Variants in BOP1 observed in about 807,000 individuals in gnomAD.
BOP1 encodes ribosome biogenesis protein BOP1.
In BOP1, 54 loss-of-function variants were observed where a neutral mutation model predicts 82.9. The observed-to-expected ratio is 0.65, with a 90% CI of 0.52 to 0.82. The LOEUF is 0.82. Ranked by LOEUF, BOP1 falls within the 40% of genes least tolerant of loss-of-function variation. The probability of loss-of-function intolerance (pLI) is 0.00; values close to 1 mark genes in which losing one functional copy is unlikely to be tolerated. For synonymous variants in BOP1, 566 were observed against 451.1 expected (o/e 1.25, Z -3.23); for missense variants, 1,170 against 1,072.0 (o/e 1.09, Z -1.28).
intron 2 of BOP1, 30 bp from the exon 3 acceptor site, chr8:144,276,334 C>T: frequency 1.2e-6 from 2 of 1,607,222 alleles, no homozygotes; most frequent in Non-Finnish European, 1.7e-6. Context: ...ATGGTCACTT[C>T]AGGGGATACA....
chr8:144,276,273 G>T lies in BOP1; in HGVS notation c.341C>A (p.Ala114Glu). ...ATACTCATCCCCAATCCGGGCGCTC[G>T]CCATCTCTGTCCTCGGGCAAGGAGT... is the stretch of plus-strand genomic sequence containing the variant. ...ASTPCPRTEM[A>E]SARIGDEYAE... The change falls in exon 3 of 16, where the codon GCG becomes GAG. Residue 114 changes from alanine (A) to glutamate (E), a missense_variant. Coordinates refer to ENST00000569669, the MANE Select transcript of BOP1 (RefSeq NM_015201.5). The T allele has an allele frequency of 6.2e-7, 1 of 1,613,526 alleles. No homozygotes were observed.
chr8:144,262,973 G>A lies in BOP1; in HGVS notation c.1774C>T (p.Pro592Ser), dbSNP rs2130191682. ...CGCTGGGACGCCACCAACAGGAAGG[G>A]CCGGGCAGGGTGGAAGGCCACTCGC... Reference protein sequence around the residue: ...VQRVAFHPARPFLLVASQRSV... With the variant: ...VQRVAFHPARSFLLVASQRSV... The change falls in exon 13 of 16, where the codon CCC becomes TCC. Residue 592 changes from proline to serine, a missense_variant. Transcript: ENST00000569669. 1.3e-6 allele frequency: 2 copies of A among 1,550,282 alleles called. No individual in the cohort carries two copies. The highest frequency in any genetic ancestry group is 1.4e-5 in the African/African-American group (1 of 73,968).
chr8:144,267,332 C>T, intron 3 of BOP1: 2 of 968,572 alleles, frequency 2.1e-6, no homozygotes, highest in South Asian at 3.0e-5. Flanking sequence ...GGGCTGGGGC[C>T]TTCTCCTGGG....
intron 3 of BOP1, among the ~76,000 whole-genome samples, chr8:144,273,994 C>T (rs1845533553): frequency 1.3e-5 from 2 of 151,776 alleles, no homozygotes; most frequent in Admixed American, 6.5e-5. Flanking sequence ...CCCTGAAGCC[C>T]CAGTGTCATC....
chr8:144,266,642 C>A (rs1387551437), intron 3 of BOP1: 5 of 1,243,534 alleles, frequency 4.0e-6, no homozygotes, highest in Admixed American at 3.1e-5. Flanking sequence ...CGCCCGGCGC[C>A]GCCGGGCCGC....
Position 144,276,291 on chromosome 8 carries a change from C to T in BOP1, c.323G>A (p.Cys108Tyr). 2 of 1,613,464 alleles carry T rather than the reference C, an allele frequency of 1.2e-6. No individual in the cohort carries two copies. Among genetic ancestry groups the T allele is most frequent in the Non-Finnish European group, 1.7e-6 (2 of 1,179,820 alleles). The change falls in exon 3 of 16, where the codon TGC becomes TAC. Residue 108 changes from cysteine (C) to tyrosine (Y), a missense_variant. Transcript: ENST00000569669. ...TEEQVQASTP[C>Y]PRTEMASARI... Reference sequence around the variant, plus strand: ...GGCGCTCGCCATCTCTGTCCTCGGGCAAGGAGTGCTGGCCTGCAGAGAGAG... The same window carrying T: ...GGCGCTCGCCATCTCTGTCCTCGGGTAAGGAGTGCTGGCCTGCAGAGAGAG...
At position 144,266,837 on chromosome 8, in the gene BOP1, G is replaced by C. The variant is rs1281722932; in HGVS notation, c.391-1766C>G. 4 of 1,317,082 alleles carry C rather than the reference G, an allele frequency of 3.0e-6. No individual in the cohort carries two copies. In the African/African-American group the frequency reaches 4.6e-5, roughly 15 times the overall value. 81.6% of individuals were successfully genotyped at this position (1,317,082 alleles called of 1,614,324 possible). ...GGGGGCCGGCCAGGCCGTGAGCCCCGGCAGCGGCACACGGCGAACGCGCGC... is the reference window on the plus strand; with the variant it reads ...GGGGGCCGGCCAGGCCGTGAGCCCCCGCAGCGGCACACGGCGAACGCGCGC... On this transcript the variant is annotated intron_variant, in intron 3 of 15. Transcript: ENST00000569669.
At chr8:144,267,855 A>G (rs1471935314) in intron 3 of BOP1, among the ~76,000 whole-genome samples, 2 of 152,162 alleles carry the variant, frequency 1.3e-5, no homozygotes, top group African/African-American at 2.4e-5. Flanking sequence ...GCTTTTCCCA[A>G]TCCCCATTTC....
chr8:144,270,723 C>T (rs959191473), intron 3 of BOP1, among the ~76,000 whole-genome samples: 5 of 152,152 alleles, frequency 3.3e-5, no homozygotes, highest in Non-Finnish European at 5.9e-5. Context: ...GCCGGGCAGA[C>T]GAGTGGCAGG....
intron 2 of BOP1, among the ~76,000 whole-genome samples, chr8:144,277,805 G>GGTGCA (rs1845591887): frequency 8.4e-4 from 47 of 55,666 alleles, no homozygotes; most frequent in Non-Finnish European, 1.4e-3. Context: ...GGGGCGGTGC[G>GGTGCA]GGCAGGGGCG....
chr8:144,270,294 G>A lies in BOP1; in HGVS notation c.391-5223C>T, dbSNP rs539151365. On this transcript the variant is annotated intron_variant, in intron 3 of 15. Transcript: ENST00000569669. ...GAGGTCTGGGCAGGGTCAAGAGGGA[G>A]TGCAGGGGAAAGAGACGTCAGAGCC... Among the ~76,000 whole-genome samples the A allele has an allele frequency of 9.2e-5, 14 of 152,282 alleles. No homozygotes were observed. In the South Asian group the frequency reaches 2.9e-3, roughly 32 times the overall value.
rs1306664850 is a variant in BOP1 at position 144,262,724 on chromosome 8, A to ACTGCC, written c.1895-57_1895-53dup. The ACTGCC allele has an allele frequency of 1.7e-4, 260 of 1,572,186 alleles. No individual in the cohort carries two copies. The Middle Eastern group carries it at 4.9e-3, about 30-fold the overall frequency. On this transcript the variant is annotated intron_variant, in intron 13 of 15. Coordinates refer to ENST00000569669, the MANE Select transcript of BOP1 (RefSeq NM_015201.5). ...GTTCCCGCTCTCACCTGCAGGGTGC[A>ACTGCC]CTGCCCTGCCCGTCACCTACACCCC... is the stretch of plus-strand genomic sequence containing the variant.
intron 3 of BOP1, among the ~76,000 whole-genome samples, chr8:144,274,857 AT>A (rs1292895291): frequency 6.6e-6 from 1 of 152,158 alleles, no homozygotes; most frequent in Non-Finnish European, 1.5e-5. Flanking sequence ...ATTTCTCAAA[AT>A]ACCAAATATA....
At position 144,262,650 on chromosome 8, in the gene BOP1, GCTCC is replaced by G; in HGVS notation, c.1913_1916del (p.Gly638AlafsTer21). The G allele has an allele frequency of 6.2e-7, 1 of 1,613,354 alleles. No individual in the cohort carries two copies. Among genetic ancestry groups the G allele is most frequent in the Non-Finnish European group, 8.5e-7 (1 of 1,179,816 alleles). On this transcript the variant is annotated frameshift_variant, in exon 14 of 16. Coordinates refer to ENST00000569669, the MANE Select transcript of BOP1 (RefSeq NM_015201.5). LOFTEE classifies it high-confidence loss of function. The stretch of plus-strand genomic sequence containing the variant: ...CAAACCACACCAGCTTGCTATCGTA[GCTCC>G]CACAGATGACGTTGTCACCTAGGGC...
At chr8:144,277,655 G>A (rs922982893) in intron 2 of BOP1, among the ~76,000 whole-genome samples, 6 of 152,280 alleles carry the variant, frequency 3.9e-5, no homozygotes, top group Admixed American at 1.3e-4. Context: ...CCACGGCACA[G>A]GCAGGCTCTG....
chr8:144,266,354 CGGGCGCTGCTCGA>C (rs1845362919), intron 3 of BOP1, among the ~76,000 whole-genome samples: 1 of 151,674 alleles, frequency 6.6e-6, no homozygotes, highest in Non-Finnish European at 1.5e-5. Flanking sequence ...AGGGACGCGG[CGGGCGCTGCTCGA>C]GGAGCCTCCG....
At chr8:144,281,149 G>C (rs1200680473) in intron 2 of BOP1, among the ~76,000 whole-genome samples, 981 of 72,214 alleles carry the variant, frequency 0.014, 336 homozygotes, top group Non-Finnish European at 0.016. Flanking sequence ...CCTTCTCTCA[G>C]TTTAATACCA....
intron 3 of BOP1, among the ~76,000 whole-genome samples, chr8:144,269,439 G>A (rs1788271888): frequency 6.6e-6 from 1 of 152,254 alleles, no homozygotes; most frequent in Non-Finnish European, 1.5e-5. Flanking sequence ...GTGGGCATCG[G>A]TGCAGGGCTG....
intron 2 of BOP1, among the ~76,000 whole-genome samples, chr8:144,284,452 C>A (rs892160210): frequency 1.3e-5 from 2 of 152,202 alleles, no homozygotes; most frequent in East Asian, 3.8e-4. Context: ...TGAGGCCGAG[C>A]TGCCAGGCAC....
Sources: gnomAD v4.1 joint callset for allele counts (sites outside exome capture counted in the v4.1 genomes callset) on GRCh38, gnomAD v4.1.1 for gene constraint, MANE v1.5 for transcripts, NCBI Gene and HGNC (gene_info 2026-07-23, HGNC 2026-07-21) for gene names.